The following ZFAND4 variants were observed in gnomAD, a reference collection of about 807,000 sequenced individuals.
The protein encoded by ZFAND4 is AN1-type zinc finger protein 4.
In ZFAND4, 43 loss-of-function variants were observed where a neutral mutation model predicts 64.4. The observed-to-expected ratio is 0.67, with a 90% CI of 0.52 to 0.86. ZFAND4 has a LOEUF of 0.86. Ranked by LOEUF, ZFAND4 falls within the 40% of genes least tolerant of loss-of-function variation. The pLI, the probability that ZFAND4 is intolerant of heterozygous loss-of-function variation, is 0.00. For synonymous variants in ZFAND4, 296 were observed against 305.7 expected (o/e 0.97, Z 0.33); for missense variants, 929 against 859.8 (o/e 1.08, Z -1.01).
At position 45,626,429 on chromosome 10, in the gene ZFAND4, C is replaced by T; in HGVS notation, c.1394G>A (p.Ser465Asn). Reference sequence around the variant, plus strand: ...TGACAAGAGTCTATTCTTGTGAGGACTTAATTCCCGGTAGTTAAGAACTGA... The same window carrying T: ...TGACAAGAGTCTATTCTTGTGAGGATTTAATTCCCGGTAGTTAAGAACTGA... ...ETSVLNYREL[S>N]PHKNRLLSPL... The change falls in exon 7 of 10, where the codon AGT (serine) becomes AAT (asparagine). Residue 465 changes from serine (S) to asparagine (N), a missense_variant. Transcript: ENST00000344646. 6 of 1,613,886 alleles carry T rather than the reference C, an allele frequency of 3.7e-6. No individual in the cohort carries two copies. The highest frequency in any genetic ancestry group is 4.2e-6 in the Non-Finnish European group (5 of 1,180,040).
At chr10:45,651,413 T>C (rs1305999507) in intron 4 of ZFAND4, 1 of 353,918 alleles carries the variant, frequency 2.8e-6, no homozygotes, top group African/African-American at 2.1e-5. Context: ...TTCTCTCCCA[T>C]GTCTACCATA....
intron 5 of ZFAND4, among the ~76,000 whole-genome samples, chr10:45,648,078 T>A (rs1012840149): frequency 1.4e-4 from 21 of 152,186 alleles, no homozygotes; most frequent in Admixed American, 1.2e-3. Flanking sequence ...GATTCTATAA[T>A]CTATTAGGCA....
intron 6 of ZFAND4, among the ~76,000 whole-genome samples, chr10:45,627,498 A>G (rs2045916557): frequency 6.6e-6 from 1 of 152,134 alleles, no homozygotes; most frequent in Non-Finnish European, 1.5e-5. Flanking sequence ...TCCTAAAAAA[A>G]AAAAAAAAGT....
intron 2 of ZFAND4, among the ~76,000 whole-genome samples, chr10:45,659,969 A>G (rs2048358214): frequency 2.0e-5 from 3 of 152,062 alleles, no homozygotes; most frequent in African/African-American, 7.2e-5. Context: ...CGAGGTCAGG[A>G]GATCGAGACC....
intron 2 of ZFAND4, among the ~76,000 whole-genome samples, chr10:45,655,716 A>G (rs1012346330): frequency 1.3e-5 from 2 of 152,234 alleles, no homozygotes; most frequent in African/African-American, 4.8e-5. Context: ...AAGATCATTC[A>G]AGATTACTAT....
rs2045784284 is a variant in ZFAND4 at position 45,625,939 on chromosome 10, G to T, written c.1872+12C>A. 6.2e-7 allele frequency: 1 copy of T among 1,609,908 alleles called. No homozygotes were observed. The highest frequency in any genetic ancestry group is 1.3e-5 in the African/African-American group (1 of 74,682). On this transcript the variant is annotated intron_variant, in intron 7 of 9. Coordinates refer to ENST00000344646, the MANE Select transcript of ZFAND4 (RefSeq NM_174890.4). Reference sequence around the variant, plus strand: ...GATAACTACTAGAGCATGTTGAAAGGAAAATACTGACCAAAAAAACTCCTG... The same window carrying T: ...GATAACTACTAGAGCATGTTGAAAGTAAAATACTGACCAAAAAAACTCCTG...
intron 6 of ZFAND4, among the ~76,000 whole-genome samples, chr10:45,628,031 G>A (rs2045957166): frequency 6.6e-6 from 1 of 152,106 alleles, no homozygotes; most frequent in South Asian, 2.1e-4. Flanking sequence ...GGGTGGTCTT[G>A]GTGCCCTCTG....
intron 2 of ZFAND4, among the ~76,000 whole-genome samples, chr10:45,655,870 T>A (rs112422520): frequency 8.5e-5 from 13 of 152,190 alleles, no homozygotes; most frequent in African/African-American, 2.7e-4. Flanking sequence ...CAGTAATTTT[T>A]AAATTGCAAA....
intron 4 of ZFAND4, chr10:45,649,990 T>G (rs1216366374): frequency 6.6e-6 from 1 of 152,258 alleles, no homozygotes; most frequent in Non-Finnish European, 1.5e-5. Flanking sequence ...TTTTATCAGC[T>G]ATAAAACAAT....
intron 2 of ZFAND4, among the ~76,000 whole-genome samples, chr10:45,660,740 T>C (rs186530989): frequency 1.8e-4 from 28 of 152,108 alleles, no homozygotes; most frequent in Admixed American, 1.8e-3. Flanking sequence ...TCAGAAATCA[T>C]GCAAATAAGA....
chr10:45,643,669 CAAAAAAAAAAA>C (rs755281191), intron 5 of ZFAND4, among the ~76,000 whole-genome samples: 1 of 56,070 alleles, frequency 1.8e-5, no homozygotes, highest in Non-Finnish European at 3.9e-5. Context: ...GACTCCATCT[CAAAAAAAAAAA>C]AAAAAAAAAA....
intron 6 of ZFAND4, among the ~76,000 whole-genome samples, chr10:45,635,691 A>T (rs779469759): frequency 3.9e-5 from 6 of 152,202 alleles, no homozygotes; most frequent in African/African-American, 1.4e-4. Context: ...TGAATGGATT[A>T]AAAAAGTGTG....
At chr10:45,663,066 G>A (rs2048577863) in intron 2 of ZFAND4, among the ~76,000 whole-genome samples, 1 of 149,400 alleles carries the variant, frequency 6.7e-6, no homozygotes, top group South Asian at 2.1e-4. Flanking sequence ...AGGGAACTTT[G>A]AATATACGTA....
chr10:45,670,050 G>T (rs995074394), intron 1 of ZFAND4, among the ~76,000 whole-genome samples: 5 of 152,060 alleles, frequency 3.3e-5, no homozygotes, highest in African/African-American at 1.2e-4. Flanking sequence ...ACAGGAGACA[G>T]AAATAAAGGA....
At chr10:45,619,003 A>T (rs1466689090) in intron 8 of ZFAND4, among the ~76,000 whole-genome samples, 1 of 152,190 alleles carries the variant, frequency 6.6e-6, no homozygotes, top group African/African-American at 2.4e-5. Context: ...TTACCTTAAA[A>T]ATAAGAGCAC....
At chr10:45,661,427 C>G (rs2048464132) in intron 2 of ZFAND4, among the ~76,000 whole-genome samples, 4 of 152,106 alleles carry the variant, frequency 2.6e-5, no homozygotes, top group African/African-American at 9.7e-5. Context: ...CCATCCTCCC[C>G]ACTCTCCCCA....
intron 6 of ZFAND4, among the ~76,000 whole-genome samples, chr10:45,638,850 C>A (rs1342303105): frequency 6.6e-6 from 1 of 152,202 alleles, no homozygotes; most frequent in African/African-American, 2.4e-5. Flanking sequence ...CCAGACCATA[C>A]TCTCTATGAT....
intron 5 of ZFAND4, chr10:45,640,423 T>C: frequency 3.3e-6 from 3 of 917,004 alleles, no homozygotes; most frequent in South Asian, 1.9e-5. Flanking sequence ...AGATTCTCAC[T>C]AAAAAAAAAA....
At chr10:45,632,170 T>A (rs2046268934) in intron 6 of ZFAND4, among the ~76,000 whole-genome samples, 1 of 151,924 alleles carries the variant, frequency 6.6e-6, no homozygotes, top group African/African-American at 2.4e-5. Flanking sequence ...CTGGCCAACA[T>A]GGTGAAACCC....
Sources: allele counts gnomAD v4.1 joint callset (sites outside exome capture counted in the v4.1 genomes callset), GRCh38; gene constraint gnomAD v4.1.1; transcripts MANE v1.5; gene names NCBI Gene and HGNC (gene_info 2026-07-23, HGNC 2026-07-21).